BNIP2: variants seen among roughly 807,000 people sequenced by gnomAD.
BNIP2 encodes the protein BCL2/adenovirus E1B 19 kDa protein-interacting protein 2.
In BNIP2, 36 loss-of-function variants were observed where a neutral mutation model predicts 43.4. The ratio of observed to expected loss-of-function variants is 0.83; its 90% confidence interval spans 0.64 to 1.10. BNIP2 has a LOEUF of 1.10. Among genes scored for constraint, BNIP2 ranks in the 50% least tolerant of loss-of-function variants. The pLI is 0.00. For synonymous variants in BNIP2, 146 were observed against 121.0 expected, an observed-to-expected ratio of 1.21 and a Z score of -1.35; for missense variants, 417 against 374.1, an observed-to-expected ratio of 1.11 and a Z score of -0.95.
chr15:59,674,090 C>CA (rs754263928), intron 5 of BNIP2, among the ~76,000 whole-genome samples: 10,607 of 91,204 alleles, frequency 0.12, 936 homozygotes, highest in East Asian at 0.38. Context: ...ACTTGGGTCT[C>CA]AAAAAAAAAA....
At chr15:59,676,595 T>C (rs190568185) in intron 5 of BNIP2, among the ~76,000 whole-genome samples, 1 of 152,356 alleles carries the variant, frequency 6.6e-6, no homozygotes. Flanking sequence ...GTCATGTTTC[T>C]AAAATGAATG....
rs1893524968 is a variant in BNIP2 at position 59,679,635 on chromosome 15, G to C, written c.252C>G (p.Gly84=). The C allele has an allele frequency of 2.5e-6, 4 of 1,613,036 alleles. 1 individual carries two copies. The African/African-American group carries it at 5.3e-5, about 22-fold the overall frequency. Residue 84 remains glycine, a synonymous_variant, in exon 4 of 10, where the codon GGC becomes GGG. Transcript: ENST00000607373. ...LDESGEIDLD[G]LDTPSENSNE... ...TACTATTCTCTGACGGTGTGTCTAA[G>C]CCATCTAAGTCAATCTCCCCACTTT... is the stretch of plus-strand genomic sequence containing the variant.
At chr15:59,668,742 C>G in intron 9 of BNIP2, 150 bp downstream of exon 9, 1 of 601,244 alleles carries the variant, frequency 1.7e-6, no homozygotes, top group South Asian at 3.9e-5. Context: ...ATGGCTTCTT[C>G]CTCTTTTTCT....
intron 1 of BNIP2, among the ~76,000 whole-genome samples, chr15:59,686,874 A>G (rs6151454): frequency 7.9e-5 from 12 of 152,124 alleles, no homozygotes; most frequent in South Asian, 6.2e-4. Context: ...AAAATTAGCC[A>G]GGAGTGGTGG....
intron 1 of BNIP2, among the ~76,000 whole-genome samples, chr15:59,685,701 G>A (rs1893970625): frequency 6.6e-6 from 1 of 152,148 alleles, no homozygotes; most frequent in Admixed American, 6.5e-5. Context: ...AACTTGGGGA[G>A]AGAGATATAG....
intron 1 of BNIP2, among the ~76,000 whole-genome samples, chr15:59,684,239 T>A (rs1270476425): frequency 6.6e-6 from 1 of 152,206 alleles, no homozygotes. Flanking sequence ...GATACACTTG[T>A]TACCACAGAA....
In BNIP2 at chr15:59,659,859, T is replaced by A. The variant is rs1160983075; in HGVS notation, c.*4210A>T. ...GTTCTCAAAACATAAATAGGTCTATTATAAATAGTTGCAACATACTGTTAT... is the reference window on the plus strand; with the variant it reads ...GTTCTCAAAACATAAATAGGTCTATAATAAATAGTTGCAACATACTGTTAT... On this transcript the variant is annotated 3_prime_UTR_variant, in exon 10 of 10. Transcript: ENST00000607373. The A allele has an allele frequency of 6.6e-6, 1 of 152,216 alleles. No homozygotes were observed. Among genetic ancestry groups the A allele is most frequent in the Non-Finnish European group, 1.5e-5 (1 of 68,034 alleles). 9.4% of individuals were successfully genotyped at this position (152,216 alleles called of 1,614,324 possible). A position where few individuals can be genotyped will look rare whatever the true frequency, so the allele number is the denominator to read the frequency against.
intron 2 of BNIP2, among the ~76,000 whole-genome samples, chr15:59,680,855 C>T (rs1893622921): frequency 6.6e-6 from 1 of 152,154 alleles, no homozygotes; most frequent in Admixed American, 6.5e-5. Context: ...CCTCGGCCTC[C>T]CAAAGCACTA....
intron 1 of BNIP2, 114 bp downstream of exon 1, chr15:59,689,021 T>A: frequency 6.9e-7 from 1 of 1,449,060 alleles, no homozygotes; most frequent in Non-Finnish European, 9.0e-7. Context: ...GGTAACTCTC[T>A]GGGTTTCCTC....
chr15:59,682,555 C>T (rs1327765129), intron 1 of BNIP2, 41 bp from the exon 2 acceptor site: 1 of 1,506,426 alleles, frequency 6.6e-7, no homozygotes, highest in Non-Finnish European at 9.1e-7. Context: ...TTCCACTTTA[C>T]TTTTTATCCA....
chr15:59,684,863 C>A lies in BNIP2; in HGVS notation c.-57-2349G>T, dbSNP rs183871150. ...ATAAAAGCAGAAACTGAAAGTTGTA[C>A]CCAATATATTCCCAACACCTACCAT... On this transcript the variant is annotated intron_variant, in intron 1 of 9. Transcript: ENST00000607373. Among the ~76,000 whole-genome samples, 8 of 152,230 alleles carry A rather than the reference C, an allele frequency of 5.3e-5. No individual in the cohort carries two copies. The East Asian group carries it at 1.5e-3, about 29-fold the overall frequency.
chr15:59,686,242 A>C (rs142947973), intron 1 of BNIP2, among the ~76,000 whole-genome samples: 76 of 152,346 alleles, frequency 5.0e-4, no homozygotes, highest in African/African-American at 1.8e-3. Flanking sequence ...AACATAAGCA[A>C]AAATTAAATG....
intron 5 of BNIP2, chr15:59,677,031 A>G: frequency 1.9e-6 from 3 of 1,612,316 alleles, no homozygotes; most frequent in Non-Finnish European, 8.5e-7. Context: ...ACTGTTAATC[A>G]TTGATTCCCT....
intron 1 of BNIP2, 70 bp from the exon 2 acceptor site, chr15:59,682,584 C>T: frequency 8.5e-7 from 1 of 1,177,150 alleles, no homozygotes; most frequent in Non-Finnish European, 1.2e-6. Context: ...GCGTAATAAT[C>T]TTATATATTA....
At chr15:59,683,215 A>G (rs1342773821) in intron 1 of BNIP2, among the ~76,000 whole-genome samples, 1 of 21,838 alleles carries the variant, frequency 4.6e-5, no homozygotes, top group African/African-American at 1.9e-4. Context: ...TTTTCCAAGG[A>G]ATCACGTGAG....
chr15:59,683,528 G>C (rs1056438205), intron 1 of BNIP2, among the ~76,000 whole-genome samples: 1 of 152,158 alleles, frequency 6.6e-6, no homozygotes, highest in Non-Finnish European at 1.5e-5. Context: ...AAAAGTCGTT[G>C]ACACTAGGCC....
Position 59,680,240 on chromosome 15 carries a change from C to A in BNIP2, c.118+1G>T, listed in dbSNP as rs1245519882. On this transcript the variant is annotated splice_donor_variant, in intron 3 of 9. Coordinates refer to ENST00000607373, the MANE Select transcript of BNIP2 (RefSeq NM_004330.4). LOFTEE classifies it high-confidence loss of function. ...AATGAAAGTAAGTGTCAAGCTCTTA[C>A]CAGGCTGGTCCTCTGGTCCAGTTAT... 6.3e-7 allele frequency: 1 copy of A among 1,583,320 alleles called. No individual in the cohort carries two copies. The highest frequency in any genetic ancestry group is 8.6e-7 in the Non-Finnish European group (1 of 1,162,220).
At chr15:59,683,863 G>A (rs1893851952) in intron 1 of BNIP2, among the ~76,000 whole-genome samples, 1 of 152,168 alleles carries the variant, frequency 6.6e-6, no homozygotes, top group African/African-American at 2.4e-5. Flanking sequence ...GCTTTTCATA[G>A]TAAGTCCGTC....
chr15:59,667,771 A>C (rs533703785), intron 9 of BNIP2, among the ~76,000 whole-genome samples: 1 of 152,256 alleles, frequency 6.6e-6, no homozygotes, highest in South Asian at 2.1e-4. Flanking sequence ...GAAAATGGTG[A>C]AACAGATAAA....
Sources: allele counts gnomAD v4.1 joint callset (sites outside exome capture counted in the v4.1 genomes callset), GRCh38; gene constraint gnomAD v4.1.1; transcripts MANE v1.5; gene names NCBI Gene and HGNC (gene_info 2026-07-23, HGNC 2026-07-21).